PRKCE: variants seen among roughly 807,000 people sequenced by gnomAD.
PRKCE encodes protein kinase C epsilon.
PRKCE carries 16 observed loss-of-function variants against 85.4 expected under a neutral mutation model. The observed-to-expected ratio is 0.19, with a 90% confidence interval of 0.13 to 0.28. The LOEUF (loss-of-function observed/expected upper bound fraction) is 0.28. Ranked by LOEUF, PRKCE falls within the 10% of genes least tolerant of loss-of-function variation. The probability of loss-of-function intolerance (pLI) is 1.00; values close to 1 mark genes in which losing one functional copy is unlikely to be tolerated. For missense variants in PRKCE, 573 were observed against 975.2 expected, an observed-to-expected ratio of 0.59 and a Z score of 5.49; for synonymous variants, 388 against 371.5, an observed-to-expected ratio of 1.04 and a Z score of -0.51.
chr2:45,665,348 C>T (rs778324286), intron 1 of PRKCE, among the ~76,000 whole-genome samples: 5 of 152,140 alleles, frequency 3.3e-5, no homozygotes, highest in Non-Finnish European at 5.9e-5. Context: ...AGAAAATTCA[C>T]TTAACCTCCT....
chr2:45,712,222 A>G (rs1679718016), intron 1 of PRKCE, among the ~76,000 whole-genome samples: 1 of 122,398 alleles, frequency 8.2e-6, no homozygotes, highest in Non-Finnish European at 1.6e-5. Flanking sequence ...ATCTCGGCTT[A>G]CTGCAACCTC....
chr2:45,795,160 C>T (rs557725428), intron 1 of PRKCE, among the ~76,000 whole-genome samples: 53 of 152,220 alleles, frequency 3.5e-4, no homozygotes, highest in Non-Finnish European at 5.9e-4. Context: ...GCCCCAGCCT[C>T]ACAGTTTCTG....
chr2:45,652,018 G>A lies in PRKCE; in HGVS notation c.-83G>A. ...GAAAGGGGACCCAAGAGTCCCTGTG[G>A]CTCGGAGTGCCGGGCCGTCGGTTCT... On this transcript the variant is annotated 5_prime_UTR_variant, in exon 1 of 15. Transcript: ENST00000306156. This position sits in a 1 kb window ranked among gnomAD's most constrained non-coding sequence, Gnocchi z 7.7. 1 of 1,113,788 alleles carries A rather than the reference G, an allele frequency of 9.0e-7. No individual in the cohort carries two copies. Among genetic ancestry groups the A allele is most frequent in the Non-Finnish European group, 1.3e-6 (1 of 772,620 alleles). The allele number at this position is 1,113,788 out of a possible 1,614,324, so 69.0% of individuals were successfully genotyped here.
At position 45,907,160 on chromosome 2, in the gene PRKCE, G is replaced by A. The variant is rs1202069344; in HGVS notation, c.412+64097G>A. Among the ~76,000 whole-genome samples, 1 of 152,198 alleles carries A rather than the reference G, an allele frequency of 6.6e-6. No homozygotes were observed. The highest frequency in any genetic ancestry group is 1.5e-5 in the Non-Finnish European group (1 of 68,040). ...GGTAAAATGCCAGGATTGCTGACAT[G>A]ATCAGGCCAGTGATGGAAAGAAAGC... is the stretch of plus-strand genomic sequence containing the variant. On this transcript the variant is annotated intron_variant, in intron 2 of 14. Transcript: ENST00000306156. The surrounding 1 kb of genome is among the most constrained non-coding windows in gnomAD (Gnocchi z 4.5).
chr2:45,671,917 T>C (rs1484530510), intron 1 of PRKCE, among the ~76,000 whole-genome samples: 1 of 151,832 alleles, frequency 6.6e-6, no homozygotes, highest in East Asian at 1.9e-4. Context: ...TTACAAATTA[T>C]CTAGGCATGA....
intron 10 of PRKCE, among the ~76,000 whole-genome samples, chr2:46,044,924 T>A (rs183063328): frequency 2.4e-3 from 363 of 152,344 alleles, no homozygotes; most frequent in African/African-American, 8.4e-3. Context: ...GTATGTTACA[T>A]GTTTGTATCT....
intron 13 of PRKCE, among the ~76,000 whole-genome samples, chr2:46,153,737 G>GTCCTCCTCTTCCTCTTCT: frequency 6.7e-6 from 1 of 149,934 alleles, no homozygotes; most frequent in Non-Finnish European, 1.5e-5. Flanking sequence ...CTTCTTCTTC[G>GTCCTCCTCTTCCTCTTCT]TCCTCCTCTT....
rs186353620 is a variant in PRKCE at position 45,741,428 on chromosome 2, T to A, written c.348+88980T>A. On this transcript the variant is annotated intron_variant, in intron 1 of 14. Transcript: ENST00000306156. ...CAGTAAGACAGGGTCTTGGGCCGAC[T>A]GGGGACAAATATCAGAATCTTCCTG... Among the ~76,000 whole-genome samples, 194 of 151,394 alleles carry A rather than the reference T, an allele frequency of 1.3e-3. 2 individuals carry two copies. The highest frequency in any genetic ancestry group is 2.4e-3 in the Admixed American group (36 of 15,070).
chr2:45,917,861 C>G (rs956263411), intron 2 of PRKCE, among the ~76,000 whole-genome samples: 18 of 152,150 alleles, frequency 1.2e-4, no homozygotes, highest in South Asian at 2.1e-4. Context: ...GCGCAGCGCC[C>G]GTGGGCCGGC....
intron 2 of PRKCE, among the ~76,000 whole-genome samples, chr2:45,908,152 T>G (rs1697120859): frequency 1.3e-5 from 2 of 152,270 alleles, no homozygotes; most frequent in South Asian, 4.1e-4. Flanking sequence ...ATCTCAGTCA[T>G]GTGGCCCCTC....
In PRKCE at chr2:46,083,209, C is replaced by A. The variant is rs185378124; in HGVS notation, c.1438-2999C>A. Among the ~76,000 whole-genome samples the A allele has an allele frequency of 2.0e-3, 301 of 152,328 alleles. 1 individual carries two copies. The highest frequency in any genetic ancestry group is 2.2e-3 in the Non-Finnish European group (151 of 68,030). The stretch of plus-strand genomic sequence containing the variant: ...CAAGTGATCTGCCTACCTCAGTCTC[C>A]CAAAGTTCTGGGATTACAGGCATGA... On this transcript the variant is annotated intron_variant, in intron 10 of 14. Transcript: ENST00000306156.
At chr2:45,861,366 G>A (rs1573643628) in intron 2 of PRKCE, among the ~76,000 whole-genome samples, 1 of 152,100 alleles carries the variant, frequency 6.6e-6, no homozygotes, top group African/African-American at 2.4e-5. Flanking sequence ...AAGAACTTAC[G>A]ATATATAATA....
chr2:45,785,408 T>C (rs906876444), intron 1 of PRKCE, among the ~76,000 whole-genome samples: 5 of 152,058 alleles, frequency 3.3e-5, no homozygotes, highest in Admixed American at 3.3e-4. Context: ...GGAGAATTGC[T>C]TGGACCTGGG....
intron 2 of PRKCE, among the ~76,000 whole-genome samples, chr2:45,916,184 TC>T (rs1697758093): frequency 2.2e-5 from 2 of 89,006 alleles, no homozygotes; most frequent in South Asian, 9.8e-4. Context: ...AAATGTAGTA[TC>T]TTTATGACAG....
intron 1 of PRKCE, among the ~76,000 whole-genome samples, chr2:45,661,402 T>C (rs1675634280): frequency 1.3e-5 from 2 of 151,978 alleles, no homozygotes; most frequent in South Asian, 4.2e-4. Context: ...AGGGTGGTCT[T>C]AAACTCCTGA....
chr2:45,709,217 C>G (rs1479135579), intron 1 of PRKCE, among the ~76,000 whole-genome samples: 1 of 152,196 alleles, frequency 6.6e-6, no homozygotes, highest in Non-Finnish European at 1.5e-5. Context: ...AGGTGCTGGT[C>G]AGGAGCACCC....
intron 11 of PRKCE, among the ~76,000 whole-genome samples, chr2:46,142,516 G>A (rs550835693): frequency 5.3e-5 from 8 of 152,336 alleles, no homozygotes; most frequent in East Asian, 3.9e-4. Context: ...GACCAGGGGC[G>A]GGCTTCAGGC....
chr2:46,096,074 C>A (rs1158903453), intron 11 of PRKCE, among the ~76,000 whole-genome samples: 2 of 152,226 alleles, frequency 1.3e-5, no homozygotes, highest in Non-Finnish European at 2.9e-5. Context: ...TTGCCAGTCA[C>A]AGTTTTACAT....
At chr2:45,865,584 C>T (rs765343486) in intron 2 of PRKCE, among the ~76,000 whole-genome samples, 8 of 152,230 alleles carry the variant, frequency 5.3e-5, no homozygotes, top group South Asian at 4.1e-4. Context: ...ATTATTAAGC[C>T]GTGAGAGAGA....
Sources: gnomAD v4.1 joint callset for allele counts (sites outside exome capture counted in the v4.1 genomes callset) on GRCh38, gnomAD v4.1.1 for gene constraint, Gnocchi (gnomAD v3.1) non-coding constraint, MANE v1.5 for transcripts, NCBI Gene and HGNC (gene_info 2026-07-23, HGNC 2026-07-21) for gene names.